ADI1: variants seen among roughly 807,000 people sequenced by gnomAD.
ADI1 encodes the protein acireductone dioxygenase.
In ADI1, 21 loss-of-function variants were observed where a neutral mutation model predicts 18.7. That is an observed-to-expected ratio of 1.13 (90% confidence interval 0.80 to 1.62). The LOEUF (loss-of-function observed/expected upper bound fraction) is 1.62. ADI1 is among the 40% of genes most tolerant of loss of function. The pLI is 0.00. For missense variants in ADI1, 245 were observed against 254.9 expected, an observed-to-expected ratio of 0.96 and a Z score of 0.26; for synonymous variants, 90 against 100.1, an observed-to-expected ratio of 0.90 and a Z score of 0.60.
intron 2 of ADI1, among the ~76,000 whole-genome samples, chr2:3,501,711 A>G (rs1667017276): frequency 6.6e-6 from 1 of 151,976 alleles, no homozygotes; most frequent in Admixed American, 6.6e-5. Flanking sequence ...TATTCTCAGT[A>G]GAGATGGGGT....
In ADI1 at chr2:3,510,641, G is replaced by A. The variant is rs537988808; in HGVS notation, c.240+3216C>T. Among the ~76,000 whole-genome samples the A allele has an allele frequency of 1.8e-3, 281 of 152,222 alleles. 1 individual carries two copies. Among genetic ancestry groups the A allele is most frequent in the African/African-American group, 6.3e-3 (263 of 41,564 alleles). ...CTCTACAGATATTAAAAGGATAATA[G>A]AAAATATTCCAAATATTTTTATGGC... On this transcript the variant is annotated intron_variant, in intron 2 of 3. Transcript: ENST00000327435.
intron 2 of ADI1, among the ~76,000 whole-genome samples, chr2:3,507,379 T>C (rs1181397454): frequency 1.3e-5 from 2 of 152,000 alleles, no homozygotes; most frequent in Non-Finnish European, 2.9e-5. Context: ...AGGCATATCA[T>C]ATTAAAACTG....
chr2:3,512,462 C>T (rs932748494), intron 2 of ADI1, among the ~76,000 whole-genome samples: 10 of 152,344 alleles, frequency 6.6e-5, no homozygotes, highest in Admixed American at 5.9e-4. Flanking sequence ...CAGGACACTG[C>T]TCCCTGCATC....
intron 2 of ADI1, among the ~76,000 whole-genome samples, chr2:3,508,060 C>A (rs894147019): frequency 1.2e-4 from 18 of 151,944 alleles, no homozygotes; most frequent in South Asian, 4.2e-4. Context: ...ATAGGCCGGG[C>A]ACGGTGGCTC....
rs763293664 is a variant in ADI1, at chr2:3,513,917, G to T, written c.180C>A (p.Asn60Lys). ...TGGTTATGATGTCCATCCAGGAGTA[G>T]TTCCTCTCTCTTCGGATCTTTTCTA... ...PELEKIRRER[N>K]YSWMDIITIC... is the part of the protein sequence containing the mutation. Residue 60 changes from asparagine (N) to lysine (K), a missense_variant, in exon 2 of 4, where the codon AAC becomes AAA. Physicochemically the swap from Asn to Lys is moderately conservative, Grantham distance 94. Transcript: ENST00000327435. 9.3e-6 allele frequency: 15 copies of T among 1,612,502 alleles called. No homozygotes were observed. Among genetic ancestry groups the T allele is most frequent in the Non-Finnish European group, 1.2e-5 (14 of 1,179,668 alleles).
rs367820970 is a variant in ADI1 at position 3,514,110 on chromosome 2, C to A, written c.121-134G>T. The A allele has an allele frequency of 1.0e-5, 11 of 1,049,638 alleles. 1 individual carries two copies. The African/African-American group carries it at 1.8e-4, about 17-fold the overall frequency. 65.0% of individuals were successfully genotyped at this position (1,049,638 alleles called of 1,614,324 possible). On this transcript the variant is annotated intron_variant, in intron 1 of 3. Coordinates refer to ENST00000327435, the MANE Select transcript of ADI1 (RefSeq NM_018269.4). Reference sequence around the variant, plus strand: ...TTATTTTTTCAACCCTCAACTAACTCTCTTCATCTCCTCTAGCCATTTAAT... The same window carrying A: ...TTATTTTTTCAACCCTCAACTAACTATCTTCATCTCCTCTAGCCATTTAAT...
Position 3,498,710 on chromosome 2 carries a change from T to A in ADI1, c.*253A>T, listed in dbSNP as rs1666919590. ...AACTTTCATTTGGGACTCAACTGAA[T>A]GCATGAACTAACACAGGGCCATGGA... is the stretch of plus-strand genomic sequence containing the variant. On this transcript the variant is annotated 3_prime_UTR_variant, in exon 4 of 4. Transcript: ENST00000327435. 2.4e-6 allele frequency: 1 copy of A among 412,320 alleles called. No homozygotes were observed. Among genetic ancestry groups the A allele is most frequent in the African/African-American group, 2.0e-5 (1 of 49,232 alleles). 25.5% of individuals were successfully genotyped at this position (412,320 alleles called of 1,614,324 possible).
intron 3 of ADI1, 25 bp downstream of exon 3, chr2:3,500,788 CT>C (rs1286640348): frequency 6.2e-7 from 1 of 1,612,932 alleles, no homozygotes; most frequent in Non-Finnish European, 8.5e-7. Context: ...CAGGCCGGGC[CT>C]GGGGAGAAAG....
At chr2:3,510,315 T>C (rs994837194) in intron 2 of ADI1, among the ~76,000 whole-genome samples, 2 of 152,098 alleles carry the variant, frequency 1.3e-5, no homozygotes, top group Non-Finnish European at 2.9e-5. Context: ...GTAATAATAA[T>C]AATAATGTCT....
At chr2:3,511,554 A>C (rs2103210799) in intron 2 of ADI1, among the ~76,000 whole-genome samples, 1 of 152,314 alleles carries the variant, frequency 6.6e-6, no homozygotes, top group East Asian at 1.9e-4. Context: ...GCAGATTATA[A>C]ATTTTCTTAT....
In ADI1 at chr2:3,503,353, GCA is replaced by G. The variant is rs1343532212; in HGVS notation, c.241-2362_241-2361del. 2.3e-5 allele frequency among the ~76,000 whole-genome samples: 3 copies of G among 129,832 alleles called. 1 individual carries two copies. The highest frequency in any genetic ancestry group is 4.7e-5 in the Non-Finnish European group (3 of 64,188). 85.2% of individuals were successfully genotyped at this position (129,832 alleles called of 152,430 possible). A position where few individuals can be genotyped will look rare whatever the true frequency, so the allele number is the denominator to read the frequency against. ...TGCACACATACACACGTACTCACACGCACATTCACACACATGCACACATACAC... is the reference window on the plus strand; with the variant it reads ...TGCACACATACACACGTACTCACACGCATTCACACACATGCACACATACAC... On this transcript the variant is annotated intron_variant, in intron 2 of 3. Coordinates refer to ENST00000327435, the MANE Select transcript of ADI1 (RefSeq NM_018269.4).
At chr2:3,516,820 A>T in intron 1 of ADI1, 1 of 985,454 alleles carries the variant, frequency 1.0e-6, no homozygotes, top group Non-Finnish European at 1.2e-6. Flanking sequence ...GATTAAACAG[A>T]TACACAAACA....
At chr2:3,499,719 C>T (rs1169122807) in intron 3 of ADI1, among the ~76,000 whole-genome samples, 2 of 152,084 alleles carry the variant, frequency 1.3e-5, no homozygotes, top group Non-Finnish European at 2.9e-5. Flanking sequence ...GCATGTCCAG[C>T]GCCAGAGTAC....
intron 2 of ADI1, among the ~76,000 whole-genome samples, chr2:3,502,858 T>C (rs936647792): frequency 5.3e-5 from 8 of 152,178 alleles, no homozygotes; most frequent in African/African-American, 1.9e-4. Flanking sequence ...CTGCTTGTCA[T>C]GGTCTGGGTG....
chr2:3,508,691 CAGG>C (rs1331522878), intron 2 of ADI1, among the ~76,000 whole-genome samples: 1 of 151,832 alleles, frequency 6.6e-6, no homozygotes, highest in Non-Finnish European at 1.5e-5. Flanking sequence ...CACTTGAGCC[CAGG>C]AGTTCAAAAG....
rs530836953 is a variant in ADI1 at position 3,500,553 on chromosome 2, G to C, written c.420+261C>G. The C allele has an allele frequency of 5.5e-6, 3 of 549,662 alleles. No individual in the cohort carries two copies. In the East Asian group the frequency reaches 9.3e-5, roughly 17 times the overall value. The allele number at this position is 549,662 out of a possible 1,614,324, so 34.0% of individuals were successfully genotyped here. A position where few individuals can be genotyped will look rare whatever the true frequency, so the allele number is the denominator to read the frequency against. On this transcript the variant is annotated intron_variant, in intron 3 of 3. Coordinates refer to ENST00000327435, the MANE Select transcript of ADI1 (RefSeq NM_018269.4). ...CCGCCGCATGTACCTGCCGCCGCCT[G>C]TACCTGCCCCGCCTGGGTATGAAAT...
intron 1 of ADI1, 78 bp downstream of exon 1, chr2:3,519,290 C>A: frequency 7.6e-7 from 1 of 1,316,730 alleles, no homozygotes; most frequent in Non-Finnish European, 9.7e-7. Context: ...CTGCCCGGCA[C>A]CTGGAGGAGG....
chr2:3,517,071 G>T, intron 1 of ADI1: 1 of 338,624 alleles, frequency 3.0e-6, no homozygotes, highest in Non-Finnish European at 4.2e-6. Flanking sequence ...GCCCCAGGAT[G>T]AGACCAAACC....
chr2:3,502,915 G>A (rs894635906), intron 2 of ADI1, among the ~76,000 whole-genome samples: 2 of 151,988 alleles, frequency 1.3e-5, no homozygotes, highest in Admixed American at 1.3e-4. Context: ...TGAGAGGATG[G>A]GAAAAAACAT....
Sources: allele counts gnomAD v4.1 joint callset (sites outside exome capture counted in the v4.1 genomes callset), GRCh38; gene constraint gnomAD v4.1.1; transcripts MANE v1.5; gene names NCBI Gene and HGNC (gene_info 2026-07-23, HGNC 2026-07-21).